PKN3: variants seen among roughly 807,000 people sequenced by gnomAD.
The protein encoded by PKN3 is protein kinase N3.
Under a neutral mutation model 113.1 loss-of-function variants are expected in PKN3, and 91 were observed. The observed-to-expected ratio is 0.80, with a 90% CI of 0.68 to 0.96. The LOEUF is 0.96. PKN3 is among the 40% of genes least tolerant of loss of function. The pLI, the probability that PKN3 is intolerant of heterozygous loss-of-function variation, is 0.00. For synonymous variants in PKN3, 467 were observed against 499.0 expected, an observed-to-expected ratio of 0.94 and a Z score of 0.85; for missense variants, 1,052 against 1,202.2, an observed-to-expected ratio of 0.88 and a Z score of 1.85.
chr9:128,705,388 TG>T lies in PKN3; in HGVS notation c.112del (p.Glu38ArgfsTer70). 6.3e-7 allele frequency: 1 copy of T among 1,596,068 alleles called. No homozygotes were observed. The highest frequency in any genetic ancestry group is 8.5e-7 in the Non-Finnish European group (1 of 1,172,136). ...AAAGAGCTGAAGATCAAGGAGGGGGTGGAGAACCTGCGGCGCGTGGCCACAG... is the reference window on the plus strand; with the variant it reads ...AAAGAGCTGAAGATCAAGGAGGGGGTGAGAACCTGCGGCGCGTGGCCACAG... ...IQKELKIKEG[V>X]ENLRRVATDR... On this transcript the variant is annotated frameshift_variant, in exon 2 of 22. Coordinates refer to ENST00000291906, the MANE Select transcript of PKN3 (RefSeq NM_013355.5). LOFTEE classifies it high-confidence loss of function.
In PKN3 at chr9:128,720,302, G is replaced by A. The variant is rs780273411; in HGVS notation, c.2457+19G>A. ...CTTCAGGGTGAGCGGCTGGGGTGGC[G>A]GTGGTCCCCTGTGCCTGGCAGGGTA... is the stretch of plus-strand genomic sequence containing the variant. On this transcript the variant is annotated intron_variant, in intron 21 of 21. Coordinates refer to ENST00000291906, the MANE Select transcript of PKN3 (RefSeq NM_013355.5). This position sits in a 1 kb window ranked among gnomAD's most constrained non-coding sequence, Gnocchi z 5.5. 1.5e-5 allele frequency: 25 copies of A among 1,613,178 alleles called. No individual in the cohort carries two copies. The African/African-American group carries it at 2.1e-4, about 14-fold the overall frequency.
chr9:128,714,397 TC>T, intron 11 of PKN3, 32 bp downstream of exon 11: 1 of 1,553,330 alleles, frequency 6.4e-7, no homozygotes, highest in Non-Finnish European at 8.8e-7. Flanking sequence ...GACTGCATGC[TC>T]CTCTGTGGCG....
At position 128,705,320 on chromosome 9, in the gene PKN3, GC is replaced by G; in HGVS notation, c.47del (p.Pro16GlnfsTer7). ...CTCTGCAGCCTGGGCCGAGCCAGTG[GC>G]CCCCAGAGGATGAGAAGGAGGTGAT... ...APRQPGPSQW[P>X]PEDEKEVIRR... On this transcript the variant is annotated frameshift_variant, in exon 2 of 22. Transcript: ENST00000291906. LOFTEE classifies it high-confidence loss of function. The G allele has an allele frequency of 3.2e-6, 5 of 1,558,548 alleles. No homozygotes were observed. Among genetic ancestry groups the G allele is most frequent in the Non-Finnish European group, 4.3e-6 (5 of 1,152,450 alleles).
chr9:128,713,668 TTGG>T, intron 9 of PKN3, 26 bp downstream of exon 9: 1 of 1,611,852 alleles, frequency 6.2e-7, no homozygotes, highest in Middle Eastern at 1.7e-4. Flanking sequence ...GCCCTCTGAC[TTGG>T]TGGGACCCTG....
chr9:128,717,861 T>TAAAAAA (rs67487928), intron 16 of PKN3, among the ~76,000 whole-genome samples: 9 of 97,798 alleles, frequency 9.2e-5, no homozygotes, highest in Admixed American at 2.2e-4. Flanking sequence ...CTATAAAAAC[T>TAAAAAA]AAAAAAAAAA....
chr9:128,712,814 A>G (rs368219991), intron 6 of PKN3, among the ~76,000 whole-genome samples: 1 of 151,788 alleles, frequency 6.6e-6, no homozygotes, highest in African/African-American at 2.4e-5. Context: ...GTCCAAGGGT[A>G]CCCTTTGGGG....
chr9:128,713,748 G>C, intron 9 of PKN3, 106 bp downstream of exon 9: 1 of 1,183,782 alleles, frequency 8.4e-7, no homozygotes, highest in Non-Finnish European at 1.2e-6. Context: ...CTGACGACCA[G>C]AGAGGAGGGC....
chr9:128,702,825 A>C lies in PKN3; in HGVS notation c.-91A>C. On this transcript the variant is annotated 5_prime_UTR_variant, in exon 1 of 22. Transcript: ENST00000291906. ...CGCGTCTCCGGCGCCGCTTCCCGGG[A>C]AGTTTCAAGTTTGAAAGTCCTGGCG... 1.1e-6 allele frequency: 1 copy of C among 951,034 alleles called. No individual in the cohort carries two copies. The highest frequency in any genetic ancestry group is 1.6e-6 in the Non-Finnish European group (1 of 637,010). 58.9% of individuals were successfully genotyped at this position (951,034 alleles called of 1,614,324 possible).
chr9:128,716,995 C>T, intron 16 of PKN3, 72 bp downstream of exon 16: 2 of 1,305,930 alleles, frequency 1.5e-6, no homozygotes, highest in South Asian at 1.3e-5. Flanking sequence ...TCTCTACATA[C>T]TGCTTTCTCC....
chr9:128,716,979 AC>A, intron 16 of PKN3, 56 bp downstream of exon 16: 2 of 1,457,982 alleles, frequency 1.4e-6, no homozygotes, highest in Non-Finnish European at 9.6e-7. Context: ...GGTTCCCTAC[AC>A]CCACTCTCTA....
rs1031738317 is a variant in PKN3 at position 128,720,039 on chromosome 9, G to A, written c.2376+22G>A. The A allele has an allele frequency of 3.7e-6, 6 of 1,601,962 alleles. No homozygotes were observed. Among genetic ancestry groups the A allele is most frequent in the Non-Finnish European group, 4.3e-6 (5 of 1,169,320 alleles). On this transcript the variant is annotated intron_variant, in intron 20 of 21. Transcript: ENST00000291906. The surrounding 1 kb of genome is among the most constrained non-coding windows in gnomAD (Gnocchi z 5.5). ...GAAGGTAAGCACTGCGGGGTCTGGG[G>A]CTGGGCTGGATGGCCGCTCAAGGCC...
At chr9:128,707,901 GTC>G (rs956837967) in intron 6 of PKN3, among the ~76,000 whole-genome samples, 3 of 151,546 alleles carry the variant, frequency 2.0e-5, no homozygotes, top group African/African-American at 7.3e-5. Flanking sequence ...GTGAAACCCT[GTC>G]TCTACTACAA....
rs546428385 is a variant in PKN3, at chr9:128,715,291, C to T, written c.1716+56C>T. On this transcript the variant is annotated intron_variant, in intron 14 of 21. Coordinates refer to ENST00000291906, the MANE Select transcript of PKN3 (RefSeq NM_013355.5). The surrounding 1 kb of genome is among the most constrained non-coding windows in gnomAD (Gnocchi z 4.1). ...GGATTGGGGGCCTCATCACATGAGC[C>T]GGGAGGACCTGATCTGTGGGGGCGG... is the stretch of plus-strand genomic sequence containing the variant. 3.4e-5 allele frequency: 54 copies of T among 1,607,280 alleles called. No individual in the cohort carries two copies. In the Admixed American group the frequency reaches 5.2e-4, roughly 15 times the overall value.
Position 128,703,784 on chromosome 9 carries a change from T to C in PKN3, c.24+845T>C, listed in dbSNP as rs141169075. On this transcript the variant is annotated intron_variant, in intron 1 of 21. Coordinates refer to ENST00000291906, the MANE Select transcript of PKN3 (RefSeq NM_013355.5). ...CAGTCGTTTAGGCCGCCTTCAGGGC[T>C]GGGGCTCGGTCTGCCCCCTCCCACC... 2,283 of 985,414 alleles carry C rather than the reference T, an allele frequency of 2.3e-3. 6 individuals carry two copies. Among genetic ancestry groups the C allele is most frequent in the Non-Finnish European group, 2.6e-3 (2,181 of 829,902 alleles). The allele number at this position is 985,414 out of a possible 1,614,324, so 61.0% of individuals were successfully genotyped here.
At chr9:128,717,989 C>T (rs1205806946) in intron 16 of PKN3, among the ~76,000 whole-genome samples, 5 of 151,376 alleles carry the variant, frequency 3.3e-5, no homozygotes, top group South Asian at 2.1e-4. Context: ...GAGCCGAGAT[C>T]GCACCGCTGC....
intron 1 of PKN3, among the ~76,000 whole-genome samples, 184 bp from the exon 2 acceptor site, chr9:128,705,119 T>C (rs1861969408): frequency 6.6e-6 from 1 of 151,788 alleles, no homozygotes; most frequent in South Asian, 2.1e-4. Context: ...CCTAGATGAG[T>C]GGCCTCGGAG....
chr9:128,703,567 G>A, intron 1 of PKN3: 2 of 985,458 alleles, frequency 2.0e-6, no homozygotes, highest in Non-Finnish European at 2.4e-6. Context: ...ATGTCTATCT[G>A]CTCCTGAGGA....
At chr9:128,717,650 C>T (rs1461043284) in intron 16 of PKN3, among the ~76,000 whole-genome samples, 1 of 150,834 alleles carries the variant, frequency 6.6e-6, no homozygotes, top group Non-Finnish European at 1.5e-5. Context: ...ATCGCTTGAA[C>T]CCAGGAGGCG....
chr9:128,716,677 T>C lies in PKN3; in HGVS notation c.1809-70T>C, dbSNP rs1420089365. ...CTGAGGGCCCAGTGAGCCAGGGGTG[T>C]TGTGCAGGGCACAGGGCACAGCCCA... On this transcript the variant is annotated intron_variant, in intron 15 of 21. Transcript: ENST00000291906. The C allele has an allele frequency of 3.9e-6, 5 of 1,294,140 alleles. No individual in the cohort carries two copies. In the East Asian group the frequency reaches 1.2e-4, roughly 30 times the overall value. 80.2% of individuals were successfully genotyped at this position (1,294,140 alleles called of 1,614,324 possible). A position where few individuals can be genotyped will look rare whatever the true frequency, so the allele number is the denominator to read the frequency against.
Sources: gnomAD v4.1 joint callset for allele counts (sites outside exome capture counted in the v4.1 genomes callset) on GRCh38, gnomAD v4.1.1 for gene constraint, Gnocchi (gnomAD v3.1) non-coding constraint, MANE v1.5 for transcripts, NCBI Gene and HGNC (gene_info 2026-07-23, HGNC 2026-07-21) for gene names.